The following LPP variants were observed in gnomAD, a reference collection of about 807,000 sequenced individuals.
LPP encodes the protein lipoma-preferred partner.
Under a neutral mutation model 60.4 loss-of-function variants are expected in LPP, and 38 were observed. That is an observed-to-expected ratio of 0.63 (90% confidence interval 0.49 to 0.83). The LOEUF is 0.83. LPP is among the 40% of genes least tolerant of loss of function. The pLI, the probability that LPP is intolerant of heterozygous loss-of-function variation, is 0.00. For missense variants in LPP, 902 were observed against 783.6 expected, an observed-to-expected ratio of 1.15 and a Z score of -1.80; for synonymous variants, 328 against 290.8, an observed-to-expected ratio of 1.13 and a Z score of -1.30.
chr3:188,440,799 A>C (rs1793584021), intron 4 of LPP, among the ~76,000 whole-genome samples: 1 of 152,150 alleles, frequency 6.6e-6, no homozygotes, highest in African/African-American at 2.4e-5. Flanking sequence ...AGGCAGAATG[A>C]CCTTTACATA....
At chr3:188,409,960 A>T (rs1321140509) in intron 4 of LPP, among the ~76,000 whole-genome samples, 4 of 152,206 alleles carry the variant, frequency 2.6e-5, no homozygotes. Context: ...CAAACCTTGT[A>T]CTATATTCTA....
chr3:188,559,306 C>T (rs1219641597), intron 6 of LPP, among the ~76,000 whole-genome samples: 2 of 151,898 alleles, frequency 1.3e-5, no homozygotes, highest in Non-Finnish European at 2.9e-5. Context: ...CATAAGGCTG[C>T]TCAATGATGG....
chr3:188,711,550 G>A (rs1711519810), intron 8 of LPP: 1 of 152,058 alleles, frequency 6.6e-6, no homozygotes, highest in African/African-American at 2.4e-5. Context: ...TAAGAGATGA[G>A]CATTCTCTTC....
intron 6 of LPP, among the ~76,000 whole-genome samples, chr3:188,554,443 G>A (rs1828987503): frequency 6.6e-6 from 1 of 152,154 alleles, no homozygotes. Flanking sequence ...CCAGATTATG[G>A]AACACTAGAG....
At chr3:188,294,781 T>C (rs1341099787) in intron 2 of LPP, among the ~76,000 whole-genome samples, 1 of 152,144 alleles carries the variant, frequency 6.6e-6, no homozygotes, top group Non-Finnish European at 1.5e-5. Context: ...AAAATAAAGA[T>C]GTACAGCTAG....
At chr3:188,248,710 G>C (rs1389301359) in intron 2 of LPP, among the ~76,000 whole-genome samples, 1 of 151,702 alleles carries the variant, frequency 6.6e-6, no homozygotes, top group Non-Finnish European at 1.5e-5. Flanking sequence ...CTTCTGCTGG[G>C]AACTCAGGTG....
chr3:188,484,076 A>G (rs1156662650), intron 4 of LPP, among the ~76,000 whole-genome samples: 1 of 152,038 alleles, frequency 6.6e-6, no homozygotes, highest in African/African-American at 2.4e-5. Flanking sequence ...CCATGCCTAC[A>G]TTCTCCTGTC....
intron 2 of LPP, among the ~76,000 whole-genome samples, chr3:188,281,197 A>G (rs1741916173): frequency 6.6e-6 from 1 of 152,182 alleles, no homozygotes; most frequent in African/African-American, 2.4e-5. Flanking sequence ...AAGACATTTG[A>G]ATTTAGTAAA....
chr3:188,211,324 C>T (rs1332008938), intron 1 of LPP, among the ~76,000 whole-genome samples: 1 of 152,124 alleles, frequency 6.6e-6, no homozygotes, highest in Non-Finnish European at 1.5e-5. Context: ...TGAGAACAAG[C>T]AACCTCTTGG....
chr3:188,503,683 C>A (rs1812610476), intron 5 of LPP, among the ~76,000 whole-genome samples: 1 of 149,922 alleles, frequency 6.7e-6, no homozygotes, highest in Non-Finnish European at 1.5e-5. Flanking sequence ...TTCTTTCTCA[C>A]TTTTAAAATA....
chr3:188,771,700 G>A (rs959798876), intron 9 of LPP, among the ~76,000 whole-genome samples: 1 of 152,162 alleles, frequency 6.6e-6, no homozygotes, highest in Non-Finnish European at 1.5e-5. Flanking sequence ...CAGTGTGGGG[G>A]CTTTGAGTCG....
At chr3:188,525,458 C>T (rs1024671286) in intron 6 of LPP, among the ~76,000 whole-genome samples, 1 of 152,190 alleles carries the variant, frequency 6.6e-6, no homozygotes, top group African/African-American at 2.4e-5. Flanking sequence ...GCTCTTCTTA[C>T]AGCTTTGTCT....
chr3:188,761,358 A>T (rs991145097), intron 9 of LPP, among the ~76,000 whole-genome samples: 38 of 152,216 alleles, frequency 2.5e-4, no homozygotes, highest in Admixed American at 2.6e-4. Context: ...CTGAAAGTTC[A>T]TCAAGATTAA....
chr3:188,820,667 A>G (rs11927383), intron 9 of LPP, among the ~76,000 whole-genome samples: 4,202 of 152,296 alleles, frequency 0.028, 198 homozygotes, highest in African/African-American at 0.095. Flanking sequence ...CTGAGAAATT[A>G]ACTTCTGTGT....
chr3:188,276,511 C>T (rs1418715730), intron 2 of LPP, among the ~76,000 whole-genome samples: 2 of 152,134 alleles, frequency 1.3e-5, no homozygotes, highest in African/African-American at 4.8e-5. Context: ...TGTCCCCGTC[C>T]AAATCTCATG....
At chr3:188,487,915 G>C (rs1807069098) in intron 5 of LPP, among the ~76,000 whole-genome samples, 1 of 152,098 alleles carries the variant, frequency 6.6e-6, no homozygotes, top group South Asian at 2.1e-4. Flanking sequence ...GATTATAAGA[G>C]TTGTAAGATT....
intron 6 of LPP, among the ~76,000 whole-genome samples, chr3:188,553,586 C>T (rs1219694495): frequency 1.3e-5 from 2 of 152,112 alleles, no homozygotes; most frequent in African/African-American, 4.8e-5. Context: ...CCTGCTACAC[C>T]GTGTTTTTAA....
intron 4 of LPP, among the ~76,000 whole-genome samples, chr3:188,415,478 G>A (rs939219788): frequency 6.6e-6 from 1 of 151,746 alleles, no homozygotes; most frequent in African/African-American, 2.4e-5. Flanking sequence ...GAAAAAACCT[G>A]TACATGGATG....
At chr3:188,370,178 G>A (rs994084617) in intron 3 of LPP, among the ~76,000 whole-genome samples, 7 of 152,024 alleles carry the variant, frequency 4.6e-5, no homozygotes, top group African/African-American at 7.2e-5. Flanking sequence ...CACCTGCCTC[G>A]GCCTCCCAAA....
Sources: allele counts gnomAD v4.1 joint callset (sites outside exome capture counted in the v4.1 genomes callset), GRCh38; gene constraint gnomAD v4.1.1; transcripts MANE v1.5; gene names NCBI Gene and HGNC (gene_info 2026-07-23, HGNC 2026-07-21).